ACYP2: variants seen among roughly 807,000 people sequenced by gnomAD.
ACYP2 encodes the protein acylphosphatase 2.
ACYP2 carries 12 observed loss-of-function variants against 11.2 expected under a neutral mutation model. The ratio of observed to expected loss-of-function variants is 1.08; its 90% CI spans 0.69 to 1.74. ACYP2 has a LOEUF of 1.74. ACYP2 is among the 40% of genes most tolerant of loss of function. ACYP2 has a pLI of 0.00. For missense variants in ACYP2, 134 were observed against 101.9 expected (o/e 1.31, Z -1.35); for synonymous variants, 43 against 32.2 (o/e 1.33, Z -1.13).
chr2:54,093,288 G>A (rs1678332921), intron 4 of ACYP2, among the ~76,000 whole-genome samples: 2 of 152,222 alleles, frequency 1.3e-5, no homozygotes, highest in African/African-American at 4.8e-5. Flanking sequence ...GAGTTACACA[G>A]ACAACTGCCG....
rs1430535491 is a variant in ACYP2, at chr2:54,051,012, A to G, written c.117A>G (p.Leu39=). ...GTTCTAGAACTCCTAATGTCAAGCT[A>G]TCCTCCTGCCTCGGCCTCCCATGCT... The change falls in exon 3 of 7, where the codon CTA becomes CTG. Residue 39 remains leucine, a synonymous_variant. Transcript: ENST00000607452. The G allele has an allele frequency of 4.4e-6, 2 of 456,602 alleles. No homozygotes were observed. The highest frequency in any genetic ancestry group is 7.6e-6 in the Non-Finnish European group (2 of 261,460). 28.3% of individuals were successfully genotyped at this position (456,602 alleles called of 1,614,324 possible). A position where few individuals can be genotyped will look rare whatever the true frequency, so the allele number is the denominator to read the frequency against.
At chr2:54,148,299 ATAC>A (rs1354793391) in intron 6 of ACYP2, among the ~76,000 whole-genome samples, 11 of 149,166 alleles carry the variant, frequency 7.4e-5, no homozygotes, top group Admixed American at 1.3e-4. Context: ...GGATGGGTGT[ATAC>A]TAGGTAGTCA....
At chr2:54,225,662 CT>C (rs1422790451) in intron 6 of ACYP2, among the ~76,000 whole-genome samples, 5 of 152,116 alleles carry the variant, frequency 3.3e-5, no homozygotes, top group Admixed American at 2.6e-4. Context: ...TGCTAGTGAT[CT>C]TTATTTTGGT....
intron 6 of ACYP2, among the ~76,000 whole-genome samples, chr2:54,218,676 C>A (rs1558621307): frequency 6.7e-6 from 1 of 148,276 alleles, no homozygotes; most frequent in Non-Finnish European, 1.5e-5. Flanking sequence ...TAGAGGTAGT[C>A]AGTCTAGGGG....
intron 6 of ACYP2, among the ~76,000 whole-genome samples, chr2:54,228,122 A>G (rs1479466595): frequency 6.6e-6 from 1 of 152,208 alleles, no homozygotes; most frequent in Non-Finnish European, 1.5e-5. Context: ...CAGGTAATGA[A>G]TTTCAATCCC....
At chr2:54,189,400 T>C (rs1280638541) in intron 6 of ACYP2, among the ~76,000 whole-genome samples, 3 of 152,182 alleles carry the variant, frequency 2.0e-5, no homozygotes, top group Non-Finnish European at 4.4e-5. Context: ...TTTCACATAG[T>C]AAGTGATATC....
At chr2:54,160,099 G>A (rs1442777905) in intron 6 of ACYP2, among the ~76,000 whole-genome samples, 2 of 152,142 alleles carry the variant, frequency 1.3e-5, no homozygotes, top group African/African-American at 2.4e-5. Flanking sequence ...ATAAACAAGT[G>A]GCTCGACAAA....
chr2:54,017,020 C>T (rs538949820), intron 2 of ACYP2, among the ~76,000 whole-genome samples: 65 of 148,314 alleles, frequency 4.4e-4, no homozygotes, highest in African/African-American at 1.5e-3. Context: ...CCTCCGCGCC[C>T]GGCCCTTCAG....
intron 4 of ACYP2, among the ~76,000 whole-genome samples, chr2:54,121,059 A>G (rs1175204842): frequency 6.6e-6 from 1 of 152,194 alleles, no homozygotes; most frequent in East Asian, 1.9e-4. Flanking sequence ...GAGCATGAGC[A>G]TATGTTACAG....
At chr2:54,075,711 G>A (rs1677301978) in intron 4 of ACYP2, among the ~76,000 whole-genome samples, 1 of 151,874 alleles carries the variant, frequency 6.6e-6, no homozygotes, top group African/African-American at 2.4e-5. Flanking sequence ...TACTCAGAAG[G>A]CTGAGACAGG....
In ACYP2 at chr2:54,255,465, C is replaced by A. The variant is rs774268209; in HGVS notation, c.405-49223C>A. The A allele has an allele frequency of 1.9e-6, 3 of 1,614,028 alleles. No individual in the cohort carries two copies. The African/African-American group carries it at 4.0e-5, about 22-fold the overall frequency. ...GGTAGTATTCATGAATCTGCCCAAACCTGCGCTCCACCTGCAGGAGCGCCC... is the reference window on the plus strand; with the variant it reads ...GGTAGTATTCATGAATCTGCCCAAAACTGCGCTCCACCTGCAGGAGCGCCC... On this transcript the variant is annotated intron_variant, in intron 6 of 6. Coordinates refer to ENST00000607452, the MANE Select transcript of ACYP2 (RefSeq NM_001320586.2).
chr2:54,241,236 A>G (rs753934150), intron 6 of ACYP2, among the ~76,000 whole-genome samples: 1 of 152,230 alleles, frequency 6.6e-6, no homozygotes, highest in Non-Finnish European at 1.5e-5. Flanking sequence ...TAGGGATATC[A>G]TGGGAAACTA....
At chr2:54,149,709 G>T (rs1682057803) in intron 6 of ACYP2, among the ~76,000 whole-genome samples, 1 of 152,112 alleles carries the variant, frequency 6.6e-6, no homozygotes, top group Admixed American at 6.5e-5. Flanking sequence ...CATCTTGATT[G>T]CTACATATTT....
intron 6 of ACYP2, among the ~76,000 whole-genome samples, chr2:54,208,489 C>A (rs1685175490): frequency 1.3e-5 from 2 of 152,186 alleles, no homozygotes; most frequent in South Asian, 4.2e-4. Context: ...TTGATCTCTA[C>A]ATGACTTTCC....
intron 6 of ACYP2, among the ~76,000 whole-genome samples, chr2:54,302,044 C>T (rs540003381): frequency 4.6e-5 from 7 of 152,302 alleles, no homozygotes; most frequent in African/African-American, 1.7e-4. Context: ...CCAGGCCATA[C>T]TTTTGGCTGG....
intron 2 of ACYP2, among the ~76,000 whole-genome samples, chr2:54,001,243 C>T (rs1453579096): frequency 6.6e-6 from 1 of 151,978 alleles, no homozygotes; most frequent in East Asian, 1.9e-4. Context: ...CCATAGTAGT[C>T]CTAGCCACTT....
chr2:54,162,496 G>A (rs908335316), intron 6 of ACYP2, among the ~76,000 whole-genome samples: 2 of 152,116 alleles, frequency 1.3e-5, no homozygotes, highest in African/African-American at 4.8e-5. Flanking sequence ...GTGGTTCCTA[G>A]GCCAGCAGCA....
chr2:54,278,635 G>T (rs1474102177), intron 6 of ACYP2, among the ~76,000 whole-genome samples: 1 of 152,146 alleles, frequency 6.6e-6, no homozygotes, highest in Non-Finnish European at 1.5e-5. Context: ...GACATAGACA[G>T]TTTGCCGATT....
intron 4 of ACYP2, among the ~76,000 whole-genome samples, chr2:54,085,427 CATT>C (rs1422751149): frequency 6.6e-6 from 1 of 152,146 alleles, no homozygotes; most frequent in East Asian, 1.9e-4. Context: ...GGGGGCAAAT[CATT>C]ATCTTACTAG....
Sources: allele counts gnomAD v4.1 joint callset (sites outside exome capture counted in the v4.1 genomes callset), GRCh38; gene constraint gnomAD v4.1.1; transcripts MANE v1.5; gene names NCBI Gene and HGNC (gene_info 2026-07-23, HGNC 2026-07-21).